SRPRA: variants seen among roughly 807,000 people sequenced by gnomAD.
SRPRA encodes the protein signal recognition particle receptor subunit alpha.
In SRPRA, 30 loss-of-function variants were observed where a neutral mutation model predicts 61.1. The observed-to-expected ratio is 0.49, with a 90% CI of 0.37 to 0.67. The LOEUF is 0.67. Ranked by LOEUF, SRPRA falls within the 30% of genes least tolerant of loss-of-function variation. The probability of loss-of-function intolerance (pLI) is 0.00; values close to 1 mark genes in which losing one functional copy is unlikely to be tolerated. For synonymous variants in SRPRA, 324 were observed against 299.7 expected (o/e 1.08, Z -0.84); for missense variants, 759 against 828.4 (o/e 0.92, Z 1.03).
chr11:126,239,084 C>T, the SRPRA span, among the ~76,000 whole-genome samples: 23 of 151,756 alleles, frequency 1.5e-4, no homozygotes, highest in Middle Eastern at 3.4e-3. Context: ...GTGATCCTCC[C>T]GTGAACTTAG....
chr11:126,262,457 G>A (rs1000902552), downstream of SRPRA: 1 of 362,866 alleles, frequency 2.8e-6, no homozygotes, highest in Non-Finnish European at 5.0e-6. Context: ...CTGCAGCTCT[G>A]CATGAAGGAC....
Position 126,264,617 on chromosome 11 carries a change from T to C in SRPRA, c.1526-78A>G, listed in dbSNP as rs868028518. The C allele has an allele frequency of 2.6e-6, 4 of 1,522,442 alleles. No homozygotes were observed. Among genetic ancestry groups the C allele is most frequent in the Middle Eastern group, 4.8e-4 (2 of 4,178 alleles). 94.3% of individuals were successfully genotyped at this position (1,522,442 alleles called of 1,614,324 possible). A position where few individuals can be genotyped will look rare whatever the true frequency, so the allele number is the denominator to read the frequency against. Reference sequence around the variant, plus strand: ...TTCCCAGCTTCCTCTCAAAAAGTCCTAGTTTGACTACCTGTTCACTGTCTT... The same window carrying C: ...TTCCCAGCTTCCTCTCAAAAAGTCCCAGTTTGACTACCTGTTCACTGTCTT... On this transcript the variant is annotated intron_variant, in intron 11 of 13. Coordinates refer to ENST00000332118, the MANE Select transcript of SRPRA (RefSeq NM_003139.4). The surrounding 1 kb of genome is among the most constrained non-coding windows in gnomAD (Gnocchi z 5.0).
chr11:126,252,143 C>G, the SRPRA span, among the ~76,000 whole-genome samples: 1 of 151,990 alleles, frequency 6.6e-6, no homozygotes, highest in Non-Finnish European at 1.5e-5. This position sits in a 1 kb window ranked among gnomAD's most constrained non-coding sequence, Gnocchi z 4.7. Flanking sequence ...CCCGCCATCA[C>G]GTCTGGCTAA....
the SRPRA span, chr11:126,254,335 C>A: frequency 5.0e-6 from 8 of 1,613,716 alleles, no homozygotes; most frequent in Non-Finnish European, 6.8e-6. Flanking sequence ...GAAGCGTAAG[C>A]TGAGCGTGTT....
At position 126,266,832 on chromosome 11, in the gene SRPRA, T is replaced by G; in HGVS notation, c.617A>C (p.Lys206Thr). ...GCGCTTCCTGCGGATCAGCTCCTCT[T>G]TGGAAAGTTCTACTCCGTTCTCAGG... Reference protein sequence around the residue: ...VGPENGVELSKEELIRRKREE... With the variant: ...VGPENGVELSTEELIRRKREE... The change falls in exon 5 of 14, where the codon AAA becomes ACA. Residue 206 changes from lysine (K) to threonine (T), a missense_variant. Lys to Thr is a moderately conservative substitution (Grantham distance 78). This residue lies in a region of SRPRA where 475 missense variants were observed against 462.5 expected (regional missense o/e 1.03). Transcript: ENST00000332118. 4 of 1,614,200 alleles carry G rather than the reference T, an allele frequency of 2.5e-6. No homozygotes were observed. The highest frequency in any genetic ancestry group is 3.4e-6 in the Non-Finnish European group (4 of 1,180,040).
chr11:126,264,000 G>A lies in SRPRA; in HGVS notation c.1833C>T (p.Ile611=), dbSNP rs137920723. The change falls in exon 14 of 14, where the codon ATC becomes ATT. Residue 611 remains isoleucine, a synonymous_variant. Coordinates refer to ENST00000332118, the MANE Select transcript of SRPRA (RefSeq NM_003139.4). ...AGGTCTGGCCGGTGCCCACAAAGAC[G>A]ATGGGTTTGCTTGTGATGTACGTCA... ...ISMTYITSKP[I]VFVGTGQTYC... The A allele has an allele frequency of 1.4e-5, 23 of 1,614,058 alleles. No homozygotes were observed. In the African/African-American group the frequency reaches 1.5e-4, roughly 10 times the overall value.
chr11:126,264,462 G>A lies in SRPRA; in HGVS notation c.1603C>T (p.Leu535=), dbSNP rs746406271. 7.4e-6 allele frequency: 12 copies of A among 1,614,190 alleles called. 1 individual carries two copies. The East Asian group carries it at 2.7e-4, about 36-fold the overall frequency. Reference sequence around the variant, plus strand: ...GTATTGACAGTAATGAGTTTGGCCAGGGCAGTCATCAGAGGGGCATTGTCT... The same window carrying A: ...GTATTGACAGTAATGAGTTTGGCCAAGGCAGTCATCAGAGGGGCATTGTCT... The part of the protein sequence containing the change: ...MQDNAPLMTA[L]AKLITVNTPD... Residue 535 remains leucine, a synonymous_variant, in exon 12 of 14, where the codon CTG becomes TTG. Coordinates refer to ENST00000332118, the MANE Select transcript of SRPRA (RefSeq NM_003139.4). The surrounding 1 kb of genome is among the most constrained non-coding windows in gnomAD (Gnocchi z 5.0).
the SRPRA span, among the ~76,000 whole-genome samples, chr11:126,249,979 G>C: frequency 6.6e-6 from 1 of 151,970 alleles, no homozygotes. Flanking sequence ...ATTTTAGGAA[G>C]CTTACGTATA....
chr11:126,267,174 C>A lies in SRPRA; in HGVS notation c.526+1G>T, dbSNP rs1385908167. On this transcript the variant is annotated splice_donor_variant, in intron 4 of 13. Coordinates refer to ENST00000332118, the MANE Select transcript of SRPRA (RefSeq NM_003139.4). LOFTEE classifies it high-confidence loss of function. The surrounding 1 kb of genome is among the most constrained non-coding windows in gnomAD (Gnocchi z 4.2). ...AGTATATCCAAAGAACTCAAACTTG[C>A]CTTCCTTCTTGGCCCCCTTTTTTTT... 19 of 1,538,814 alleles carry A rather than the reference C, an allele frequency of 1.2e-5. No individual in the cohort carries two copies. Among genetic ancestry groups the A allele is most frequent in the Admixed American group, 8.6e-5 (5 of 58,230 alleles).
Position 126,265,489 on chromosome 11 carries a change from T to C in SRPRA, c.1139-49A>G. 1 of 1,579,704 alleles carries C rather than the reference T, an allele frequency of 6.3e-7. No homozygotes were observed. The highest frequency in any genetic ancestry group is 8.6e-7 in the Non-Finnish European group (1 of 1,163,176). On this transcript the variant is annotated intron_variant, in intron 9 of 13. Transcript: ENST00000332118. The surrounding 1 kb of genome is among the most constrained non-coding windows in gnomAD (Gnocchi z 6.3). Reference sequence around the variant, plus strand: ...TGCAGCTGTGAAACTCAAGGAATGCTCTCAAAAATGCCTAACACCTTTCTG... The same window carrying C: ...TGCAGCTGTGAAACTCAAGGAATGCCCTCAAAAATGCCTAACACCTTTCTG...
At chr11:126,262,690 C>T (rs483668), downstream of SRPRA, 625 of 152,748 alleles carry the variant, frequency 4.1e-3, 4 homozygotes, top group South Asian at 6.0e-3. Context: ...TTGTAAGAAA[C>T]TCTAACTTGC....
intron 1 of SRPRA, among the ~76,000 whole-genome samples, 186 bp from the exon 2 acceptor site, chr11:126,268,272 GAA>G (rs971180700): frequency 6.6e-6 from 1 of 152,184 alleles, no homozygotes; most frequent in Non-Finnish European, 1.5e-5. Context: ...CAAGTTGGGG[GAA>G]AAAGATGAGA....
At chr11:126,254,212 A>C in the SRPRA span, 1 of 1,435,198 alleles carries the variant, frequency 7.0e-7, no homozygotes, top group Admixed American at 2.3e-5. Context: ...TTATGTCAGA[A>C]GTCTAGTCCT....
rs771917930 is a variant in SRPRA at position 126,265,226 on chromosome 11, A to T, written c.1311+42T>A. On this transcript the variant is annotated intron_variant, in intron 10 of 13. Transcript: ENST00000332118. The surrounding 1 kb of genome is among the most constrained non-coding windows in gnomAD (Gnocchi z 6.3). ...TAAAGCCAGGATTTTGAGACACAAG[A>T]AGTACAGAAATATCAGCGATAGGCT... 1.9e-6 allele frequency: 3 copies of T among 1,613,618 alleles called. No individual in the cohort carries two copies. Among genetic ancestry groups the T allele is most frequent in the Non-Finnish European group, 8.5e-7 (1 of 1,179,574 alleles).
the SRPRA span, among the ~76,000 whole-genome samples, chr11:126,246,963 C>A: frequency 7.3e-6 from 1 of 136,886 alleles, no homozygotes; most frequent in South Asian, 2.3e-4. Context: ...AACTTTCCAG[C>A]CTGGGAAACA....
At chr11:126,261,879 C>T (rs1488167780), downstream of SRPRA, among the ~76,000 whole-genome samples, 1 of 151,974 alleles carries the variant, frequency 6.6e-6, no homozygotes, top group African/African-American at 2.4e-5. Flanking sequence ...ATAGTCCCGG[C>T]TACTGGCTGA....
chr11:126,237,401 T>C, the SRPRA span, among the ~76,000 whole-genome samples: 1 of 143,346 alleles, frequency 7.0e-6, no homozygotes, highest in Non-Finnish European at 1.6e-5. Context: ...TTATTTTATT[T>C]ATTTATTTAT....
chr11:126,266,392 A>G, intron 6 of SRPRA, 84 bp downstream of exon 6: 2 of 1,591,122 alleles, frequency 1.3e-6, no homozygotes, highest in Non-Finnish European at 1.7e-6. Flanking sequence ...CTTACCCCTC[A>G]TTCAAATCCC....
chr11:126,261,331 G>A (rs1351636649), downstream of SRPRA: 28 of 956,670 alleles, frequency 2.9e-5, 1 homozygote, highest in African/African-American at 4.9e-5. Context: ...CTTTTCAGTC[G>A]TACCATATGT....
Sources: allele counts gnomAD v4.1 joint callset (sites outside exome capture counted in the v4.1 genomes callset), GRCh38; gene constraint gnomAD v4.1.1; regional missense constraint gnomAD v4.1.1; non-coding constraint Gnocchi (gnomAD v3.1); transcripts MANE v1.5; gene names NCBI Gene and HGNC (gene_info 2026-07-23, HGNC 2026-07-21).